MDGA2: variants seen among roughly 807,000 people sequenced by gnomAD.
The protein encoded by MDGA2 is MAM domain-containing glycosylphosphatidylinositol anchor protein 2.
MDGA2 carries 40 observed loss-of-function variants against 117.8 expected under a neutral mutation model. The observed-to-expected ratio is 0.34, with a 90% CI of 0.26 to 0.44. MDGA2 has a LOEUF of 0.44. Ranked by LOEUF, MDGA2 falls within the 20% of genes least tolerant of loss-of-function variation. MDGA2 has a pLI of 1.00. For missense variants in MDGA2, 1,123 were observed against 1,250.6 expected (o/e 0.90, Z 1.54); for synonymous variants, 452 against 439.0 (o/e 1.03, Z -0.37).
intron 1 of MDGA2, among the ~76,000 whole-genome samples, chr14:47,585,533 C>T (rs1028744058): frequency 1.3e-5 from 2 of 151,724 alleles, no homozygotes; most frequent in East Asian, 1.9e-4. Flanking sequence ...GTATGGCGTA[C>T]GGTAATGCGC....
intron 9 of MDGA2, among the ~76,000 whole-genome samples, chr14:46,953,245 T>C (rs1885433474): frequency 6.6e-6 from 1 of 151,802 alleles, no homozygotes; most frequent in South Asian, 2.1e-4. Flanking sequence ...TACATATTGG[T>C]GGTTTTATAC....
intron 2 of MDGA2, among the ~76,000 whole-genome samples, chr14:47,257,712 C>G (rs2139662962): frequency 6.6e-6 from 1 of 152,200 alleles, no homozygotes; most frequent in East Asian, 1.9e-4. Flanking sequence ...TCCAAGAACT[C>G]TACCCAGAAA....
At chr14:47,212,729 C>G (rs1168921637) in intron 3 of MDGA2, among the ~76,000 whole-genome samples, 1 of 152,186 alleles carries the variant, frequency 6.6e-6, no homozygotes, top group Non-Finnish European at 1.5e-5. Context: ...GCTATTATGA[C>G]TATGCAAGCG....
intron 11 of MDGA2, among the ~76,000 whole-genome samples, chr14:46,881,040 A>ACC (rs1566505686): frequency 1.3e-5 from 2 of 151,434 alleles, no homozygotes; most frequent in African/African-American, 4.9e-5. Flanking sequence ...ACACACACAC[A>ACC]CAAACATTTA....
At chr14:47,146,218 G>GT (rs59892469) in intron 3 of MDGA2, among the ~76,000 whole-genome samples, 7 of 151,808 alleles carry the variant, frequency 4.6e-5, no homozygotes, top group Non-Finnish European at 8.8e-5. Context: ...TTTTTAAAAA[G>GT]TTTTTTTTCA....
intron 1 of MDGA2, among the ~76,000 whole-genome samples, chr14:47,628,500 A>G (rs146329133): frequency 1.2e-4 from 18 of 152,334 alleles, no homozygotes; most frequent in African/African-American, 3.6e-4. Flanking sequence ...TGTGATTTCT[A>G]TGTAACTTTG....
chr14:47,498,778 G>A (rs1264096190), intron 1 of MDGA2, among the ~76,000 whole-genome samples: 1 of 152,076 alleles, frequency 6.6e-6, no homozygotes, highest in East Asian at 1.9e-4. Flanking sequence ...TTCTTGCACT[G>A]AAAAGGAAAA....
chr14:46,980,375 G>GT (rs1488548163), intron 8 of MDGA2, among the ~76,000 whole-genome samples: 1 of 152,164 alleles, frequency 6.6e-6, no homozygotes, highest in Non-Finnish European at 1.5e-5. Flanking sequence ...ATGAAGAGTT[G>GT]TTTTTTATGG....
intron 1 of MDGA2, among the ~76,000 whole-genome samples, chr14:47,407,421 A>G (rs765329540): frequency 4.9e-4 from 74 of 152,038 alleles, no homozygotes; most frequent in Non-Finnish European, 9.7e-4. Context: ...TAGATATCTT[A>G]CTTTTTATTC....
At chr14:47,258,855 A>C (rs1887705902) in intron 2 of MDGA2, among the ~76,000 whole-genome samples, 1 of 152,026 alleles carries the variant, frequency 6.6e-6, no homozygotes, top group South Asian at 2.1e-4. Flanking sequence ...AAATTTGCTC[A>C]CATAATAAGA....
intron 1 of MDGA2, among the ~76,000 whole-genome samples, chr14:47,560,400 C>T (rs1566515355): frequency 6.6e-6 from 1 of 152,134 alleles, no homozygotes; most frequent in African/African-American, 2.4e-5. Context: ...AATAGGCTTT[C>T]TGACTGTTGT....
At chr14:47,341,689 T>C (rs1283619747) in intron 1 of MDGA2, among the ~76,000 whole-genome samples, 1 of 152,222 alleles carries the variant, frequency 6.6e-6, no homozygotes, top group Admixed American at 6.5e-5. Flanking sequence ...TTATGTGTTT[T>C]CCTTTCCCTA....
chr14:46,981,157 A>G (rs1886653625), intron 8 of MDGA2, among the ~76,000 whole-genome samples: 1 of 114,516 alleles, frequency 8.7e-6, no homozygotes, highest in South Asian at 2.5e-4. Flanking sequence ...TAATCCCAGC[A>G]CTTTGGGAGG....
chr14:47,141,650 T>A (rs891127770), intron 4 of MDGA2, among the ~76,000 whole-genome samples: 1 of 152,090 alleles, frequency 6.6e-6, no homozygotes, highest in Non-Finnish European at 1.5e-5. Context: ...TATCTACTCA[T>A]GTGTGGAATC....
intron 3 of MDGA2, among the ~76,000 whole-genome samples, chr14:47,173,974 C>CA (rs1566664619): frequency 1.3e-5 from 2 of 151,598 alleles, no homozygotes; most frequent in Non-Finnish European, 2.9e-5. Flanking sequence ...AAATGGAAAA[C>CA]AAAAAAAGGC....
chr14:47,519,782 GATA>G (rs547818776), intron 1 of MDGA2, among the ~76,000 whole-genome samples: 1 of 152,128 alleles, frequency 6.6e-6, no homozygotes, highest in Non-Finnish European at 1.5e-5. Context: ...TAATTTGTGA[GATA>G]ATGATATCCA....
At chr14:47,220,373 A>G (rs1329997292) in intron 2 of MDGA2, among the ~76,000 whole-genome samples, 1 of 152,200 alleles carries the variant, frequency 6.6e-6, no homozygotes, top group Non-Finnish European at 1.5e-5. Flanking sequence ...CCTTCTTCTT[A>G]AACCCCAAAT....
chr14:47,619,337 GCGT>G (rs1187329765), intron 1 of MDGA2, among the ~76,000 whole-genome samples: 1 of 152,128 alleles, frequency 6.6e-6, no homozygotes, highest in Non-Finnish European at 1.5e-5. Flanking sequence ...GTAGTTAGCT[GCGT>G]CATCATCACA....
intron 1 of MDGA2, among the ~76,000 whole-genome samples, chr14:47,495,015 T>C (rs1894251810): frequency 6.6e-6 from 1 of 151,952 alleles, no homozygotes; most frequent in Non-Finnish European, 1.5e-5. Flanking sequence ...TGTGTGTGTA[T>C]ACATTAGGTA....
Sources: allele counts gnomAD v4.1 joint callset (sites outside exome capture counted in the v4.1 genomes callset), GRCh38; gene constraint gnomAD v4.1.1; transcripts MANE v1.5; gene names NCBI Gene and HGNC (gene_info 2026-07-23, HGNC 2026-07-21).